The following NBAS variants were observed in gnomAD, a reference collection of about 807,000 sequenced individuals.
NBAS encodes NBAS subunit of NRZ tethering complex.
Under a neutral mutation model 302.5 loss-of-function variants are expected in NBAS, and 219 were observed. The observed-to-expected ratio is 0.72, with a 90% confidence interval of 0.65 to 0.81. The LOEUF (loss-of-function observed/expected upper bound fraction) is 0.81. NBAS is among the 30% of genes least tolerant of loss of function. NBAS has a pLI of 0.00. For missense variants in NBAS, 2,932 were observed against 2,841.6 expected, an observed-to-expected ratio of 1.03 and a Z score of -0.72; for synonymous variants, 1,118 against 1,021.6, an observed-to-expected ratio of 1.09 and a Z score of -1.80.
At chr2:14,846,857 A>T in the NBAS span, among the ~76,000 whole-genome samples, 1 of 152,132 alleles carries the variant, frequency 6.6e-6, no homozygotes, top group Non-Finnish European at 1.5e-5. Context: ...AAATCATACC[A>T]CCAGAAAAAA....
the NBAS span, among the ~76,000 whole-genome samples, chr2:15,028,139 T>A: frequency 6.6e-6 from 1 of 152,236 alleles, no homozygotes; most frequent in Non-Finnish European, 1.5e-5. Flanking sequence ...ATTAAAGGTC[T>A]ATCATTGAGA....
chr2:15,456,207 C>T (rs376466931), intron 21 of NBAS, among the ~76,000 whole-genome samples: 13 of 152,070 alleles, frequency 8.5e-5, no homozygotes, highest in African/African-American at 2.9e-4. Flanking sequence ...CAATATAAAA[C>T]ACAAAAATAG....
intron 25 of NBAS, among the ~76,000 whole-genome samples, chr2:15,404,523 T>C (rs1169212896): frequency 2.0e-5 from 3 of 151,936 alleles, no homozygotes; most frequent in Non-Finnish European, 4.4e-5. Flanking sequence ...TTTTTTTTTT[T>C]TTATTTTGAG....
chr2:15,131,433 C>G, the NBAS span, among the ~76,000 whole-genome samples: 1 of 152,140 alleles, frequency 6.6e-6, no homozygotes, highest in Non-Finnish European at 1.5e-5. Flanking sequence ...AGCTCTGTGA[C>G]TCTGAGTTCA....
At chr2:15,113,412 T>A in the NBAS span, among the ~76,000 whole-genome samples, 12 of 150,356 alleles carry the variant, frequency 8.0e-5, no homozygotes, top group East Asian at 2.4e-3. Flanking sequence ...CAATCTATTG[T>A]TTCTCACTAA....
At chr2:15,123,511 G>A in the NBAS span, among the ~76,000 whole-genome samples, 9 of 152,216 alleles carry the variant, frequency 5.9e-5, no homozygotes, top group Non-Finnish European at 7.3e-5. Flanking sequence ...CAATGTTGGA[G>A]GTGGGCCCTA....
chr2:15,113,847 AAAAG>A, the NBAS span, among the ~76,000 whole-genome samples: 1 of 152,140 alleles, frequency 6.6e-6, no homozygotes, highest in Non-Finnish European at 1.5e-5. Context: ...TCAATAAATA[AAAAG>A]AAAGATAAAA....
At chr2:15,334,983 G>A (rs1672513085) in intron 35 of NBAS, among the ~76,000 whole-genome samples, 1 of 152,066 alleles carries the variant, frequency 6.6e-6, no homozygotes, top group Non-Finnish European at 1.5e-5. Context: ...TACTTTATAT[G>A]AATGAAATCA....
At chr2:15,294,590 A>T (rs1670462306) in intron 40 of NBAS, among the ~76,000 whole-genome samples, 1 of 152,104 alleles carries the variant, frequency 6.6e-6, no homozygotes, top group South Asian at 2.1e-4. Flanking sequence ...CAGTTCCCTG[A>T]CCCAGGGATG....
chr2:15,437,315 T>C (rs1007489198), intron 21 of NBAS, among the ~76,000 whole-genome samples: 4 of 152,082 alleles, frequency 2.6e-5, no homozygotes, highest in Non-Finnish European at 5.9e-5. Flanking sequence ...TCTCCATCTC[T>C]TGAAAGAGAA....
At chr2:15,244,900 G>C (rs981133971) in intron 44 of NBAS, among the ~76,000 whole-genome samples, 2 of 152,070 alleles carry the variant, frequency 1.3e-5, no homozygotes, top group Non-Finnish European at 2.9e-5. Flanking sequence ...TTCATGGCTA[G>C]GTGGGCCCAT....
At chr2:15,131,029 CA>C in the NBAS span, among the ~76,000 whole-genome samples, 1 of 152,150 alleles carries the variant, frequency 6.6e-6, no homozygotes, top group African/African-American at 2.4e-5. Flanking sequence ...TGAATAAATA[CA>C]TATTATACGC....
At chr2:14,894,540 A>T in the NBAS span, among the ~76,000 whole-genome samples, 1 of 151,814 alleles carries the variant, frequency 6.6e-6, no homozygotes, top group Non-Finnish European at 1.5e-5. Flanking sequence ...AGAAATGTAA[A>T]ATATATATAT....
At chr2:15,286,951 C>CACT in intron 42 of NBAS, 122 bp downstream of exon 42, 1 of 742,908 alleles carries the variant, frequency 1.3e-6, no homozygotes, top group Non-Finnish European at 2.4e-6. Context: ...CTTACCAAGA[C>CACT]ACTAGTCCAC....
chr2:15,171,376 C>T (rs940836981), intron 51 of NBAS, among the ~76,000 whole-genome samples: 1 of 152,092 alleles, frequency 6.6e-6, no homozygotes, highest in African/African-American at 2.4e-5. Flanking sequence ...ATTTTTTTCC[C>T]ACAATTAATC....
the NBAS span, among the ~76,000 whole-genome samples, chr2:14,831,758 C>A: frequency 4.6e-5 from 7 of 152,140 alleles, no homozygotes; most frequent in African/African-American, 1.7e-4. Flanking sequence ...TCTCTTAACT[C>A]TAGTACCCTC....
At chr2:14,793,660 C>T in the NBAS span, among the ~76,000 whole-genome samples, 3 of 151,814 alleles carry the variant, frequency 2.0e-5, no homozygotes, top group Admixed American at 1.3e-4. Flanking sequence ...AAGAAATGAT[C>T]GATGAAAAAA....
chr2:14,937,905 G>A, the NBAS span, among the ~76,000 whole-genome samples: 7 of 152,086 alleles, frequency 4.6e-5, no homozygotes, highest in African/African-American at 1.7e-4. Flanking sequence ...GCAAGGCAGG[G>A]AGACCATGAA....
At chr2:15,216,672 A>G (rs1359753805) in intron 48 of NBAS, among the ~76,000 whole-genome samples, 2 of 152,228 alleles carry the variant, frequency 1.3e-5, no homozygotes, top group Non-Finnish European at 2.9e-5. Context: ...AGCTTAAAGG[A>G]AGAAATAGCA....
Sources: allele counts gnomAD v4.1 joint callset (sites outside exome capture counted in the v4.1 genomes callset), GRCh38; gene constraint gnomAD v4.1.1; transcripts MANE v1.5; gene names NCBI Gene and HGNC (gene_info 2026-07-23, HGNC 2026-07-21).